Variants in RBFOX1 observed in about 807,000 individuals in gnomAD.
RBFOX1 encodes RNA binding fox-1 homolog 1, also known as RNA binding protein fox-1 homolog 1.
Under a neutral mutation model 57.7 loss-of-function variants are expected in RBFOX1, and 8 were observed. That is an observed-to-expected ratio of 0.14 (90% CI 0.08 to 0.25). The LOEUF (loss-of-function observed/expected upper bound fraction) is 0.25. RBFOX1 is among the 10% of genes least tolerant of loss of function. The probability of loss-of-function intolerance (pLI) is 1.00; values close to 1 mark genes in which losing one functional copy is unlikely to be tolerated. For missense variants in RBFOX1, 611 were observed against 548.5 expected, an observed-to-expected ratio of 1.11 and a Z score of -1.14; for synonymous variants, 326 against 222.4, an observed-to-expected ratio of 1.47 and a Z score of -4.15.
intron 4 of RBFOX1, among the ~76,000 whole-genome samples, chr16:7,339,286 G>C (rs903082830): frequency 6.6e-6 from 1 of 152,188 alleles, no homozygotes; most frequent in Non-Finnish European, 1.5e-5. Context: ...CTGTGTGCCA[G>C]GCTGTGAACT....
chr16:5,846,579 A>T lies in RBFOX1; in HGVS notation c.319-20724A>T, dbSNP rs543688375. On this transcript the variant is annotated intron_variant, in intron 3 of 19. Coordinates refer to the RBFOX1 transcript ENST00000641259. ...GGTGACCAGGTGTACCTGTGGGTGC[A>T]CAGCCAGTGAGCTGTGGAGCTGAGA... Among the ~76,000 whole-genome samples, 116 of 152,324 alleles carry T rather than the reference A, an allele frequency of 7.6e-4. 1 individual carries two copies. The highest frequency in any genetic ancestry group is 2.6e-3 in the African/African-American group (110 of 41,578).
rs141849592 is a variant in RBFOX1, at chr16:7,594,563, A to G, written c.469-986A>G. On this transcript the variant is annotated intron_variant, in intron 7 of 15. Coordinates refer to ENST00000550418, the MANE Select transcript of RBFOX1 (RefSeq NM_018723.4). ...AAGACAAAATACGGATTTTGACAAT[A>G]TAGTTTAGTGGGGTTGATTTTTGAG... 2.6e-3 allele frequency among the ~76,000 whole-genome samples: 397 copies of G among 152,312 alleles called. 1 individual carries two copies. The highest frequency in any genetic ancestry group is 9.2e-3 in the African/African-American group (382 of 41,568).
Position 6,386,177 on chromosome 16 carries a change from C to T in RBFOX1, c.-64+69120C>T, listed in dbSNP as rs142558205. Among the ~76,000 whole-genome samples the T allele has an allele frequency of 2.0e-3, 307 of 152,260 alleles. 3 individuals carry two copies. The highest frequency in any genetic ancestry group is 3.2e-3 in the Non-Finnish European group (218 of 68,016). On this transcript the variant is annotated intron_variant, in intron 2 of 15. Coordinates refer to ENST00000550418, the MANE Select transcript of RBFOX1 (RefSeq NM_018723.4). ...GTCTCGATGTCCTGGCCTCGTGATC[C>T]GCCCGTCTCGGCCTCCCAAAGTGCT...
intron 4 of RBFOX1, among the ~76,000 whole-genome samples, chr16:5,987,015 T>C (rs145960062): frequency 6.6e-6 from 1 of 152,336 alleles, no homozygotes; most frequent in African/African-American, 2.4e-5. Flanking sequence ...TCCAGTTTAT[T>C]TGCATCCTCA....
At chr16:7,417,525 G>C (rs6500964) in intron 4 of RBFOX1, among the ~76,000 whole-genome samples, 113,249 of 151,214 alleles carry the variant, frequency 0.75, 43,577 homozygotes, top group African/African-American at 0.93. Flanking sequence ...GCTTCACATG[G>C]TATTGTGTGT....
At chr16:5,447,121 C>G (rs1483292810) in intron 1 of RBFOX1, among the ~76,000 whole-genome samples, 4 of 152,144 alleles carry the variant, frequency 2.6e-5, no homozygotes, top group Admixed American at 6.5e-5. Context: ...CTTGGCTGGT[C>G]TCTGCGTCCA....
chr16:6,635,089 T>G, intron 2 of RBFOX1, among the ~76,000 whole-genome samples: 1 of 22,760 alleles, frequency 4.4e-5, no homozygotes, highest in Admixed American at 9.3e-4. Flanking sequence ...TTATATATCA[T>G]ATATATTATA....
chr16:6,935,091 G>GA (rs369445353), intron 3 of RBFOX1, among the ~76,000 whole-genome samples: 135 of 146,900 alleles, frequency 9.2e-4, no homozygotes, highest in East Asian at 1.8e-3. Context: ...CCCCATCTCG[G>GA]AAAAAAAAAA....
chr16:6,041,922 A>G (rs1178413032), intron 1 of RBFOX1, among the ~76,000 whole-genome samples: 1 of 152,118 alleles, frequency 6.6e-6, no homozygotes, highest in East Asian at 1.9e-4. Context: ...TGCAATCATC[A>G]GGGTGTCAGC....
chr16:5,950,436 G>A (rs541562794), intron 4 of RBFOX1, among the ~76,000 whole-genome samples: 1 of 152,148 alleles, frequency 6.6e-6, no homozygotes, highest in South Asian at 2.1e-4. Flanking sequence ...ACATTGGTGG[G>A]TTTCAAACTC....
chr16:6,653,293 GTGATATGCA>G (rs113535415), intron 2 of RBFOX1, among the ~76,000 whole-genome samples: 5,510 of 152,142 alleles, frequency 0.036, 247 homozygotes, highest in East Asian at 0.1. Context: ...ATACCATTAA[GTGATATGCA>G]TGGTTTAATG....
At chr16:5,278,351 C>G (rs959467019) in intron 1 of RBFOX1, among the ~76,000 whole-genome samples, 3 of 152,132 alleles carry the variant, frequency 2.0e-5, no homozygotes, top group African/African-American at 7.2e-5. Context: ...TGCAGAAGCT[C>G]TTTCATTTAA....
chr16:7,236,398 A>C (rs1011384634), intron 4 of RBFOX1, among the ~76,000 whole-genome samples: 1 of 152,126 alleles, frequency 6.6e-6, no homozygotes, highest in African/African-American at 2.4e-5. Flanking sequence ...ACCCTCTTTT[A>C]AGGTATTGTC....
intron 3 of RBFOX1, among the ~76,000 whole-genome samples, chr16:7,034,429 C>T (rs767496301): frequency 2.0e-5 from 3 of 152,066 alleles, no homozygotes; most frequent in Admixed American, 6.5e-5. Context: ...TGAAGAGAGT[C>T]GCTGCCCTCT....
At chr16:5,674,790 C>G (rs72765140) in intron 3 of RBFOX1, among the ~76,000 whole-genome samples, 1 of 152,152 alleles carries the variant, frequency 6.6e-6, no homozygotes, top group Admixed American at 6.5e-5. Context: ...TGGTGAAAAT[C>G]TGTTGGACAG....
intron 3 of RBFOX1, among the ~76,000 whole-genome samples, chr16:5,789,202 A>C (rs957665713): frequency 4.6e-5 from 7 of 152,232 alleles, no homozygotes; most frequent in African/African-American, 1.7e-4. Flanking sequence ...CATTTGTCTT[A>C]GCTCTGCCAT....
At position 5,784,825 on chromosome 16, in the gene RBFOX1, A is replaced by G. The variant is rs560767614; in HGVS notation, c.319-82478A>G. Among the ~76,000 whole-genome samples, 3 of 152,256 alleles carry G rather than the reference A, an allele frequency of 2.0e-5. No individual in the cohort carries two copies. In the South Asian group the frequency reaches 6.2e-4, roughly 32 times the overall value. ...AGGACATGGCGCATAGACACCATCTATGAACCAGGAGGTAAGTCCTTCCCT... is the reference window on the plus strand; with the variant it reads ...AGGACATGGCGCATAGACACCATCTGTGAACCAGGAGGTAAGTCCTTCCCT... On this transcript the variant is annotated intron_variant, in intron 3 of 19. Coordinates refer to the RBFOX1 transcript ENST00000641259.
At chr16:6,035,446 C>A (rs1357822176) in intron 1 of RBFOX1, among the ~76,000 whole-genome samples, 1 of 152,198 alleles carries the variant, frequency 6.6e-6, no homozygotes, top group Admixed American at 6.5e-5. Flanking sequence ...AGTAGCACTG[C>A]CCAACAAGAC....
At chr16:5,824,898 G>A (rs528479853) in intron 3 of RBFOX1, among the ~76,000 whole-genome samples, 104 of 152,324 alleles carry the variant, frequency 6.8e-4, no homozygotes, top group South Asian at 3.5e-3. Flanking sequence ...GGGGACTCCA[G>A]TGACATAACT....
Sources: gnomAD v4.1 joint callset for allele counts (sites outside exome capture counted in the v4.1 genomes callset) on GRCh38, gnomAD v4.1.1 for gene constraint, MANE v1.5 for transcripts, NCBI Gene and HGNC (gene_info 2026-07-23, HGNC 2026-07-21) for gene names.